Variants in CWC27 observed in about 807,000 individuals in gnomAD.
CWC27 encodes the protein CWC27 spliceosome associated cyclophilin.
CWC27 carries 47 observed loss-of-function variants against 63.6 expected under a neutral mutation model. The ratio of observed to expected loss-of-function variants is 0.74; its 90% confidence interval spans 0.58 to 0.94. The LOEUF is 0.94. Ranked by LOEUF, CWC27 falls within the 40% of genes least tolerant of loss-of-function variation. The probability of loss-of-function intolerance (pLI) is 0.00; values close to 1 mark genes in which losing one functional copy is unlikely to be tolerated. For synonymous variants in CWC27, 175 were observed against 179.8 expected (o/e 0.97, Z 0.22); for missense variants, 495 against 554.3 (o/e 0.89, Z 1.07).
At chr5:64,875,175 AAG>A (rs1437816389) in intron 10 of CWC27, among the ~76,000 whole-genome samples, 1 of 152,164 alleles carries the variant, frequency 6.6e-6, no homozygotes. Context: ...TAAGATTTGA[AAG>A]AGATCTTACA....
chr5:64,986,801 GC>G (rs1749442670), intron 13 of CWC27, among the ~76,000 whole-genome samples: 1 of 151,980 alleles, frequency 6.6e-6, no homozygotes, highest in South Asian at 2.1e-4. Context: ...GGCTCCAGTA[GC>G]ATTTGTTCCA....
At position 64,995,936 on chromosome 5, in the gene CWC27, G is replaced by A. The variant is rs115263874; in HGVS notation, c.1256+18698G>A. On this transcript the variant is annotated intron_variant, in intron 13 of 13. Coordinates refer to ENST00000381070, the MANE Select transcript of CWC27 (RefSeq NM_005869.4). The stretch of plus-strand genomic sequence containing the variant: ...AGGCCTAATTATTTAACAGGTGGCC[G>A]CTACCTGAATTGCAGCCCCAGTGCC... 2.7e-3 allele frequency among the ~76,000 whole-genome samples: 416 copies of A among 152,236 alleles called. 2 individuals are homozygous for A. Among genetic ancestry groups the A allele is most frequent in the African/African-American group, 9.6e-3 (400 of 41,552 alleles).
In CWC27 at chr5:65,018,276, G is replaced by T. The variant is rs750379774; in HGVS notation, c.1374G>T (p.Arg458Ser). 6 of 1,605,268 alleles carry T rather than the reference G, an allele frequency of 3.7e-6. No individual in the cohort carries two copies. The highest frequency in any genetic ancestry group is 4.2e-6 in the Non-Finnish European group (5 of 1,176,994). The stretch of plus-strand genomic sequence containing the variant: ...GGAATCCAGTGAATAAAAGAAGGAG[G>T]GAAGAAAGCAAAAAGCTGATGAGAG... ...DPRNPVNKRR[R>S]EESKKLMREK... Residue 458 changes from arginine to serine, a missense_variant, in exon 14 of 14, where the codon AGG becomes AGT. Arg to Ser is a moderately radical substitution (Grantham distance 110). Transcript: ENST00000381070.
At chr5:64,870,564 T>G (rs1387726040) in intron 10 of CWC27, among the ~76,000 whole-genome samples, 1 of 151,882 alleles carries the variant, frequency 6.6e-6, no homozygotes, top group Non-Finnish European at 1.5e-5. Flanking sequence ...AACTTTACAA[T>G]GATGATTTCT....
chr5:64,794,325 T>C (rs1403637787), intron 7 of CWC27, among the ~76,000 whole-genome samples: 1 of 152,148 alleles, frequency 6.6e-6, no homozygotes, highest in Non-Finnish European at 1.5e-5. Context: ...AAGGGTGCTT[T>C]GTTGTCAACT....
chr5:65,013,938 C>T (rs556645419), intron 13 of CWC27, among the ~76,000 whole-genome samples: 1 of 152,132 alleles, frequency 6.6e-6, no homozygotes, highest in African/African-American at 2.4e-5. Flanking sequence ...AGAATCAGTT[C>T]CTCTCTTGAT....
intron 11 of CWC27, among the ~76,000 whole-genome samples, chr5:64,917,110 C>T (rs938352434): frequency 6.6e-6 from 1 of 152,108 alleles, no homozygotes; most frequent in Non-Finnish European, 1.5e-5. Flanking sequence ...GTTCTCATTC[C>T]TCTACAAAAC....
intron 2 of CWC27, among the ~76,000 whole-genome samples, chr5:64,777,466 A>G (rs188588233): frequency 9.9e-5 from 15 of 152,270 alleles, no homozygotes; most frequent in Admixed American, 9.2e-4. Flanking sequence ...GAAGAAACGT[A>G]TAACTACTTT....
intron 10 of CWC27, among the ~76,000 whole-genome samples, chr5:64,838,904 A>G (rs977747213): frequency 6.6e-5 from 10 of 152,190 alleles, no homozygotes; most frequent in Admixed American, 2.6e-4. Context: ...ATATCTGCTT[A>G]GGGGATTTAT....
intron 11 of CWC27, among the ~76,000 whole-genome samples, chr5:64,910,812 GC>G (rs1214134869): frequency 6.6e-6 from 1 of 152,180 alleles, no homozygotes; most frequent in East Asian, 1.9e-4. Flanking sequence ...TTGGAAAAGT[GC>G]AGTATTTGGG....
chr5:64,915,326 T>A (rs1747869339), intron 11 of CWC27, among the ~76,000 whole-genome samples: 1 of 152,160 alleles, frequency 6.6e-6, no homozygotes, highest in South Asian at 2.1e-4. Context: ...TAGAAAATAA[T>A]GTTTGTGATT....
intron 11 of CWC27, among the ~76,000 whole-genome samples, chr5:64,921,699 ATGT>A (rs1748001949): frequency 6.6e-6 from 1 of 152,100 alleles, no homozygotes; most frequent in African/African-American, 2.4e-5. Context: ...TCCTCTCATC[ATGT>A]TGTTACCTGT....
intron 10 of CWC27, among the ~76,000 whole-genome samples, chr5:64,841,867 A>G (rs2112282042): frequency 6.6e-6 from 1 of 151,992 alleles, no homozygotes; most frequent in East Asian, 1.9e-4. Flanking sequence ...TTTAGTAGAG[A>G]TGGGGTTTCT....
chr5:64,936,769 A>T (rs1306119987), intron 11 of CWC27, among the ~76,000 whole-genome samples: 1 of 151,982 alleles, frequency 6.6e-6, no homozygotes, highest in Non-Finnish European at 1.5e-5. Flanking sequence ...TACTGCCTTA[A>T]ATTCAGAACT....
chr5:64,940,360 G>T (rs1420364868), intron 11 of CWC27, among the ~76,000 whole-genome samples: 1 of 152,134 alleles, frequency 6.6e-6, no homozygotes, highest in Non-Finnish European at 1.5e-5. Context: ...TCCCTTGGCT[G>T]GGGGAGGGAG....
chr5:64,847,154 A>T (rs1746003764), intron 10 of CWC27, among the ~76,000 whole-genome samples: 1 of 152,182 alleles, frequency 6.6e-6, no homozygotes, highest in African/African-American at 2.4e-5. Context: ...GATACATCTC[A>T]CTTTTAAGGA....
At chr5:64,996,063 C>T (rs1315543515) in intron 13 of CWC27, among the ~76,000 whole-genome samples, 4 of 152,138 alleles carry the variant, frequency 2.6e-5, no homozygotes, top group Non-Finnish European at 5.9e-5. Context: ...TGAAATCTAG[C>T]ATGCTTGATT....
chr5:64,770,883 CA>C (rs1743227553), intron 1 of CWC27, among the ~76,000 whole-genome samples: 1 of 152,114 alleles, frequency 6.6e-6, no homozygotes, highest in Admixed American at 6.5e-5. Context: ...AAAGCTTTAA[CA>C]AGGATACATT....
intron 10 of CWC27, among the ~76,000 whole-genome samples, chr5:64,878,940 T>G (rs536299192): frequency 6.6e-6 from 1 of 151,986 alleles, no homozygotes; most frequent in Non-Finnish European, 1.5e-5. Context: ...GCTGTGAAGA[T>G]CAGGGGAGTA....
Sources: allele counts gnomAD v4.1 joint callset (sites outside exome capture counted in the v4.1 genomes callset), GRCh38; gene constraint gnomAD v4.1.1; transcripts MANE v1.5; gene names NCBI Gene and HGNC (gene_info 2026-07-23, HGNC 2026-07-21).